Variants in NPC1L1 observed in about 807,000 individuals in gnomAD.
NPC1L1 encodes the protein NPC1-like intracellular cholesterol transporter 1.
NPC1L1 carries 98 observed loss-of-function variants against 117.0 expected under a neutral mutation model. The ratio of observed to expected loss-of-function variants is 0.84; its 90% CI spans 0.71 to 0.99. NPC1L1 has a LOEUF of 0.99. Ranked by LOEUF, NPC1L1 falls within the 50% of genes least tolerant of loss-of-function variation. NPC1L1 has a pLI of 0.00. For synonymous variants in NPC1L1, 729 were observed against 727.6 expected (o/e 1.00, Z -0.03); for missense variants, 1,540 against 1,710.0 (o/e 0.90, Z 1.75).
At chr7:44,520,923 C>T in intron 13 of NPC1L1, 69 bp downstream of exon 13, 1 of 1,613,778 alleles carries the variant, frequency 6.2e-7, no homozygotes, top group Non-Finnish European at 8.5e-7. Flanking sequence ...CCTCCTGCCT[C>T]TCTATATTCA....
At chr7:44,537,830 G>A (rs1801948105) in intron 2 of NPC1L1, among the ~76,000 whole-genome samples, 1 of 152,202 alleles carries the variant, frequency 6.6e-6, no homozygotes, top group Non-Finnish European at 1.5e-5. Context: ...TGCCTCCCCA[G>A]AGCAAACAAT....
At chr7:44,537,837 C>G (rs753226218) in intron 2 of NPC1L1, among the ~76,000 whole-genome samples, 2 of 152,226 alleles carry the variant, frequency 1.3e-5, no homozygotes, top group Admixed American at 6.5e-5. Context: ...CCAGAGCAAA[C>G]AATGGCTCCT....
intron 1 of NPC1L1, 62 bp downstream of exon 1, chr7:44,541,144 G>A: frequency 6.6e-7 from 1 of 1,516,748 alleles, no homozygotes; most frequent in Non-Finnish European, 8.9e-7. Context: ...CTGGTACACG[G>A]CTGGCCCCAG....
At chr7:44,533,328 C>A in intron 8 of NPC1L1, 103 bp downstream of exon 8, 1 of 1,418,394 alleles carries the variant, frequency 7.1e-7, no homozygotes. Context: ...CTGTCCCCCA[C>A]CCCATTCTCT....
chr7:44,524,380 C>G (rs192784598), intron 10 of NPC1L1, among the ~76,000 whole-genome samples: 2 of 152,120 alleles, frequency 1.3e-5, no homozygotes, highest in Non-Finnish European at 2.9e-5. Context: ...AAAACATGGC[C>G]CATTCAAAGG....
Position 44,538,980 on chromosome 7 carries a change from C to T in NPC1L1, c.1417G>A (p.Ala473Thr), listed in dbSNP as rs201421514. 2.6e-5 allele frequency: 42 copies of T among 1,614,028 alleles called. No homozygotes were observed. The highest frequency in any genetic ancestry group is 6.7e-5 in the African/African-American group (5 of 74,918). Residue 473 changes from alanine to threonine, a missense_variant, in exon 2 of 19, where the codon GCC becomes ACC. By Grantham distance (58) the Ala-to-Thr change is moderately conservative. Transcript: ENST00000381160. The surrounding 1 kb of genome is among the most constrained non-coding windows in gnomAD (Gnocchi z 5.9). Reference protein sequence around the residue: ...RNISLQDICYAPLNPDNTSLY... With the variant: ...RNISLQDICYTPLNPDNTSLY... ...CTGGTATTGTCCGGATTGAGGGGGG[C>T]GTAGCAGATGTCCTGCAGGGAGATG... is the stretch of plus-strand genomic sequence containing the variant.
chr7:44,514,619 G>A (rs1199072080), intron 18 of NPC1L1, among the ~76,000 whole-genome samples: 2 of 152,198 alleles, frequency 1.3e-5, no homozygotes, highest in Non-Finnish European at 2.9e-5. Context: ...AGTGAGCTGA[G>A]ATTGCGCCAC....
In NPC1L1 at chr7:44,515,784, A is replaced by G. The variant is rs1020853272; in HGVS notation, c.3796+19T>C. On this transcript the variant is annotated intron_variant, in intron 18 of 18. Transcript: ENST00000381160. ...AGCATAATCATGACAGTCTGGTAGG[A>G]ACAGGCCTGGGCACTCACCCACGTA... The G allele has an allele frequency of 1.9e-6, 3 of 1,613,996 alleles. No homozygotes were observed. In the African/African-American group the frequency reaches 4.0e-5, roughly 22 times the overall value.
In NPC1L1 at chr7:44,540,170, T is replaced by A; in HGVS notation, c.227A>T (p.Lys76Met). ...ITGDHLILLQ[K>M]ICPRLYTGPN... ...GCCGGTGTAGAGGCGGGGGCAGATC[T>A]TCTGTAATAGGATCAGGTGATCACC... Residue 76 changes from lysine to methionine, a missense_variant, in exon 2 of 19, where the codon AAG (lysine) becomes ATG (methionine). Transcript: ENST00000381160. The A allele has an allele frequency of 6.2e-7, 1 of 1,613,352 alleles. No individual in the cohort carries two copies. The highest frequency in any genetic ancestry group is 8.5e-7 in the Non-Finnish European group (1 of 1,179,768).
At chr7:44,531,718 C>T (rs1184435725) in intron 10 of NPC1L1, 37 bp downstream of exon 10, 1 of 1,542,228 alleles carries the variant, frequency 6.5e-7, no homozygotes, top group African/African-American at 1.4e-5. Flanking sequence ...CTCCCCAAAT[C>T]CCAGGGGCCT....
At position 44,535,882 on chromosome 7, in the gene NPC1L1, G is replaced by C; in HGVS notation, c.1941C>G (p.Ile647Met). ...ATSYIVIFLY[I>M]SLALGSYSSW... ...TGGAATAGCTGCCCAGGGCCAGAGA[G>C]ATGTACAGGAATATGACAATGTAGC... The change falls in exon 5 of 19, where the codon ATC (isoleucine) becomes ATG (methionine). Residue 647 changes from isoleucine (I) to methionine (M), a missense_variant. Around this residue, in one of 3 missense-constraint regions of NPC1L1, gnomAD observed 742 missense variants for 873.6 expected, o/e 0.85. Coordinates refer to ENST00000381160, the MANE Select transcript of NPC1L1 (RefSeq NM_001101648.2). 6.2e-7 allele frequency: 1 copy of C among 1,613,564 alleles called. No individual in the cohort carries two copies. Among genetic ancestry groups the C allele is most frequent in the Non-Finnish European group, 8.5e-7 (1 of 1,180,020 alleles).
chr7:44,531,124 C>T (rs1357353918), intron 10 of NPC1L1, among the ~76,000 whole-genome samples: 2 of 152,234 alleles, frequency 1.3e-5, no homozygotes, highest in Non-Finnish European at 2.9e-5. Context: ...CAGCCCATGG[C>T]CACCGCTGAT....
At position 44,526,546 on chromosome 7, in the gene NPC1L1, C is replaced by CAAAA. The variant is rs372498105; in HGVS notation, c.2638-4308_2638-4305dup. Reference sequence around the variant, plus strand: ...TCTGGGTGACAGTGAGACTCCATCTCAAAAAAAAAAAAAAAAAACTAAAAA... The same window carrying CAAAA: ...TCTGGGTGACAGTGAGACTCCATCTCAAAAAAAAAAAAAAAAAAAAAACTAAAAA... On this transcript the variant is annotated intron_variant, in intron 10 of 18. Coordinates refer to ENST00000381160, the MANE Select transcript of NPC1L1 (RefSeq NM_001101648.2). Among the ~76,000 whole-genome samples, 28 of 68,350 alleles carry CAAAA rather than the reference C, an allele frequency of 4.1e-4. 1 individual carries two copies. The highest frequency in any genetic ancestry group is 1.7e-3 in the African/African-American group (25 of 14,402). 44.8% of individuals were successfully genotyped at this position (68,350 alleles called of 152,430 possible).
chr7:44,530,608 A>T (rs575649088), intron 10 of NPC1L1, among the ~76,000 whole-genome samples: 4 of 152,360 alleles, frequency 2.6e-5, no homozygotes, highest in African/African-American at 7.2e-5. Context: ...AGTAAGAAAC[A>T]AATGTCCCCA....
At chr7:44,537,225 C>A (rs939680882) in intron 2 of NPC1L1, among the ~76,000 whole-genome samples, 1 of 152,238 alleles carries the variant, frequency 6.6e-6, no homozygotes, top group Non-Finnish European at 1.5e-5. Flanking sequence ...CTGTGGCAGG[C>A]AGGGGCTGCT....
At chr7:44,521,606 A>G in intron 12 of NPC1L1, 106 bp downstream of exon 12, 2 of 1,551,644 alleles carry the variant, frequency 1.3e-6, no homozygotes, top group East Asian at 2.3e-5. Context: ...CAGACCCTGC[A>G]GGATGCGTGG....
Position 44,540,099 on chromosome 7 carries a change from C to A in NPC1L1, c.298G>T (p.Glu100Ter). ...GCCTTGGTGATCGACAGACTCGCTT[C>A]CAGTGATACCAGCTGCTTGGCGGAG... is the stretch of plus-strand genomic sequence containing the variant. The part of the protein sequence containing the change: ...CCSAKQLVSL[E>*]ASLSITKALL... Residue 100 changes from glutamate (E) to a stop codon, truncating the protein, a stop_gained, in exon 2 of 19, where the codon GAA becomes TAA. Transcript: ENST00000381160. LOFTEE classifies it high-confidence loss of function. 6.2e-7 allele frequency: 1 copy of A among 1,614,146 alleles called. No homozygotes were observed. Among genetic ancestry groups the A allele is most frequent in the Non-Finnish European group, 8.5e-7 (1 of 1,180,022 alleles).
In NPC1L1 at chr7:44,513,479, T is replaced by A; in HGVS notation, c.3967A>T (p.Asn1323Tyr). ...TGCCGCCCATTGTTGGGCAAGAAGT[T>A]GCTGATGGCACCAGCACCTTTGATA... ...GSIKGAGAISNFLPNNGRQF is the reference protein window; with the variant it reads ...GSIKGAGAISYFLPNNGRQF Residue 1323 changes from asparagine (N) to tyrosine (Y), a missense_variant, in exon 19 of 19, where the codon AAC becomes TAC. Transcript: ENST00000381160. 6.2e-7 allele frequency: 1 copy of A among 1,614,218 alleles called. No individual in the cohort carries two copies. The highest frequency in any genetic ancestry group is 8.5e-7 in the Non-Finnish European group (1 of 1,180,022).
At chr7:44,529,975 A>T (rs1801646421) in intron 10 of NPC1L1, among the ~76,000 whole-genome samples, 1 of 151,370 alleles carries the variant, frequency 6.6e-6, no homozygotes, top group African/African-American at 2.4e-5. Context: ...TGGAGGCTGC[A>T]GTAAGCCGAG....
Sources: gnomAD v4.1 joint callset for allele counts (sites outside exome capture counted in the v4.1 genomes callset) on GRCh38, gnomAD v4.1.1 for gene constraint, gnomAD v4.1.1 regional missense constraint, Gnocchi (gnomAD v3.1) non-coding constraint, MANE v1.5 for transcripts, NCBI Gene and HGNC (gene_info 2026-07-23, HGNC 2026-07-21) for gene names.